The following HYDIN variants were observed in gnomAD, a reference collection of about 807,000 sequenced individuals.
HYDIN encodes the protein axonemal central pair apparatus protein HYDIN.
HYDIN carries 132 observed loss-of-function variants against 403.9 expected under a neutral mutation model. The observed-to-expected ratio is 0.33, with a 90% CI of 0.28 to 0.38. The LOEUF is 0.38. Ranked by LOEUF, HYDIN falls within the 10% of genes least tolerant of loss-of-function variation. HYDIN has a pLI of 1.00. For missense variants in HYDIN, 2,827 were observed against 5,009.5 expected, an observed-to-expected ratio of 0.56 and a Z score of 13.15; for synonymous variants, 1,202 against 1,891.7, an observed-to-expected ratio of 0.64 and a Z score of 9.46.
rs1490574488 is a variant in HYDIN, at chr16:70,802,821, A to G, written c.*4759T>C. 6.6e-6 allele frequency: 1 copy of G among 152,232 alleles called. No homozygotes were observed. Among genetic ancestry groups the G allele is most frequent in the Non-Finnish European group, 1.5e-5 (1 of 68,046 alleles). 9.4% of individuals were successfully genotyped at this position (152,232 alleles called of 1,614,324 possible). On this transcript the variant is annotated 3_prime_UTR_variant, in exon 86 of 86. Coordinates refer to ENST00000393567, the MANE Select transcript of HYDIN (RefSeq NM_001270974.2). ...AAATCCATAAAAAATGTATTCTCCT[A>G]TACAGGTGGGGTTTTCATAGTTGTT... is the stretch of plus-strand genomic sequence containing the variant.
intron 83 of HYDIN, 62 bp from the exon 84 acceptor site, chr16:70,818,634 G>A (rs1250512639): frequency 6.2e-6 from 4 of 646,948 alleles, no homozygotes; most frequent in Admixed American, 2.3e-5. Flanking sequence ...AGGGTCCTCT[G>A]CACATTTTCA....
intron 18 of HYDIN, among the ~76,000 whole-genome samples, chr16:71,040,087 T>C (rs767971406): frequency 2.6e-5 from 4 of 151,812 alleles, no homozygotes; most frequent in Non-Finnish European, 5.9e-5. Context: ...GTGCTCACTC[T>C]GGCTCCTGCA....
intron 46 of HYDIN, among the ~76,000 whole-genome samples, chr16:70,919,348 A>G (rs1158751291): frequency 6.6e-6 from 1 of 152,016 alleles, no homozygotes; most frequent in Non-Finnish European, 1.5e-5. Flanking sequence ...AAAAAATCAC[A>G]ATTCCTTAGC....
At chr16:70,962,835 C>T (rs1392516703) in intron 37 of HYDIN, among the ~76,000 whole-genome samples, 1 of 145,552 alleles carries the variant, frequency 6.9e-6, no homozygotes, top group Non-Finnish European at 1.5e-5. Flanking sequence ...GGGCTGTGGG[C>T]CTTCCCTGGA....
chr16:70,834,181 C>T lies in HYDIN; in HGVS notation c.13402-17G>A. The T allele has an allele frequency of 1.2e-6, 2 of 1,612,938 alleles. No homozygotes were observed. Among genetic ancestry groups the T allele is most frequent in the East Asian group, 2.2e-5 (1 of 44,858 alleles). On this transcript the variant is annotated splice_polypyrimidine_tract_variant and intron_variant, in intron 78 of 85. Coordinates refer to ENST00000393567, the MANE Select transcript of HYDIN (RefSeq NM_001270974.2). ...GGTAAGGACCTGAATGAAATAGCAC[C>T]CAGAGTCAGCAGCTGAGGGTGGGAG...
chr16:70,831,504 G>A (rs1243574247), intron 80 of HYDIN, among the ~76,000 whole-genome samples: 3 of 113,996 alleles, frequency 2.6e-5, no homozygotes, highest in Non-Finnish European at 5.0e-5. Context: ...GTGAGACTCT[G>A]TCTCAGAAAA....
In HYDIN at chr16:70,803,848, C is replaced by T. The variant is rs550284670; in HGVS notation, c.*3732G>A. On this transcript the variant is annotated 3_prime_UTR_variant, in exon 86 of 86. Transcript: ENST00000393567. Reference sequence around the variant, plus strand: ...CTTAGCATGCCACACTCACTGGGGGCCCAGTGTGGAACGAGGCCAGGGAGC... The same window carrying T: ...CTTAGCATGCCACACTCACTGGGGGTCCAGTGTGGAACGAGGCCAGGGAGC... 3.3e-4 allele frequency among the ~76,000 whole-genome samples: 50 copies of T among 152,240 alleles called. No homozygotes were observed. Among genetic ancestry groups the T allele is most frequent in the African/African-American group, 7.0e-4 (29 of 41,530 alleles).
At chr16:71,172,840 T>C (rs1390928848) in intron 5 of HYDIN, among the ~76,000 whole-genome samples, 2 of 152,186 alleles carry the variant, frequency 1.3e-5, no homozygotes, top group South Asian at 2.1e-4. Flanking sequence ...AGCATGTACT[T>C]TGGCTATCAA....
At chr16:71,172,146 A>G (rs1017025841) in intron 5 of HYDIN, among the ~76,000 whole-genome samples, 11 of 152,230 alleles carry the variant, frequency 7.2e-5, no homozygotes, top group Non-Finnish European at 1.2e-4. Flanking sequence ...TTTTTGGGCT[A>G]TGGTTTTTAA....
chr16:70,965,761 T>C (rs1278770265), intron 36 of HYDIN, among the ~76,000 whole-genome samples: 1 of 151,632 alleles, frequency 6.6e-6, no homozygotes, highest in African/African-American at 2.4e-5. Flanking sequence ...ATAGGCTCCA[T>C]GTAAAATAAG....
chr16:70,925,541 T>C (rs923227136), intron 45 of HYDIN, among the ~76,000 whole-genome samples: 3 of 152,200 alleles, frequency 2.0e-5, no homozygotes, highest in Non-Finnish European at 2.9e-5. Context: ...ATTCAGGACA[T>C]AGGCATGGGC....
intron 1 of HYDIN, among the ~76,000 whole-genome samples, chr16:71,229,073 G>A (rs1157794837): frequency 4.1e-5 from 6 of 147,008 alleles, no homozygotes; most frequent in East Asian, 4.1e-4. Context: ...ACCAAACACC[G>A]CATGTTCTCA....
chr16:70,853,938 G>A (rs1295956227), intron 73 of HYDIN, among the ~76,000 whole-genome samples: 4 of 141,620 alleles, frequency 2.8e-5, no homozygotes, highest in Non-Finnish European at 6.0e-5. Flanking sequence ...GGAGTTCAGT[G>A]AGGTAATCTT....
intron 23 of HYDIN, among the ~76,000 whole-genome samples, chr16:71,015,442 A>G (rs1050353840): frequency 7.3e-6 from 1 of 136,758 alleles, no homozygotes; most frequent in Non-Finnish European, 1.5e-5. Flanking sequence ...CAGATGGAAT[A>G]AACTCATTTA....
At chr16:70,920,554 G>C (rs1354228429) in intron 46 of HYDIN, 37 bp downstream of exon 46, 1 of 1,529,732 alleles carries the variant, frequency 6.5e-7, no homozygotes, top group Non-Finnish European at 8.9e-7. Context: ...CCTGCTGCCT[G>C]ACTTGAGACT....
chr16:71,104,962 G>A (rs977692032), intron 10 of HYDIN, among the ~76,000 whole-genome samples: 2 of 123,950 alleles, frequency 1.6e-5, no homozygotes, highest in African/African-American at 6.5e-5. Flanking sequence ...CTAGTAGGAG[G>A]AAAATCAGTG....
chr16:71,106,153 T>A (rs2083607279), intron 10 of HYDIN, among the ~76,000 whole-genome samples: 1 of 143,852 alleles, frequency 7.0e-6, no homozygotes, highest in South Asian at 2.2e-4. Context: ...CAGCTTCATT[T>A]TCCTTCCCTC....
At chr16:70,949,566 A>G (rs1180115560) in intron 41 of HYDIN, among the ~76,000 whole-genome samples, 4 of 152,216 alleles carry the variant, frequency 2.6e-5, no homozygotes, top group Non-Finnish European at 5.9e-5. Context: ...TATGGGCCAC[A>G]TCTTCATTAT....
intron 47 of HYDIN, among the ~76,000 whole-genome samples, chr16:70,911,844 C>T (rs2076706172): frequency 6.7e-6 from 1 of 149,002 alleles, no homozygotes. Flanking sequence ...AGGTATATTC[C>T]TAAGTATTTT....
Sources: gnomAD v4.1 joint callset for allele counts (sites outside exome capture counted in the v4.1 genomes callset) on GRCh38, gnomAD v4.1.1 for gene constraint, MANE v1.5 for transcripts, NCBI Gene and HGNC (gene_info 2026-07-23, HGNC 2026-07-21) for gene names.